Variants in ZDHHC14 observed in about 807,000 individuals in gnomAD.
ZDHHC14 encodes the protein zDHHC palmitoyltransferase 14, also known as palmitoyltransferase ZDHHC14.
A neutral mutation model predicts 47.7 loss-of-function variants in ZDHHC14; 16 were observed. The observed-to-expected ratio is 0.34, with a 90% CI of 0.23 to 0.51. The LOEUF is 0.51. ZDHHC14 is among the 20% of genes least tolerant of loss of function. The pLI is 0.97. For synonymous variants in ZDHHC14, 293 were observed against 278.9 expected, an observed-to-expected ratio of 1.05 and a Z score of -0.50; for missense variants, 515 against 662.5, an observed-to-expected ratio of 0.78 and a Z score of 2.44.
chr6:157,453,705 T>G (rs1050782372), intron 1 of ZDHHC14, among the ~76,000 whole-genome samples: 20 of 152,176 alleles, frequency 1.3e-4, no homozygotes, highest in Non-Finnish European at 2.8e-4. Flanking sequence ...GCATCTTTCC[T>G]TTGAAGACCA....
chr6:157,556,016 A>G (rs1782444271), intron 2 of ZDHHC14, among the ~76,000 whole-genome samples: 1 of 152,142 alleles, frequency 6.6e-6, no homozygotes, highest in Admixed American at 6.5e-5. Context: ...CAGGCCATGA[A>G]TGGCCGGAGG....
At chr6:157,465,499 G>A (rs1001793828) in intron 1 of ZDHHC14, among the ~76,000 whole-genome samples, 12 of 152,130 alleles carry the variant, frequency 7.9e-5, no homozygotes, top group Middle Eastern at 3.4e-3. Context: ...CACACAAAAC[G>A]GGAAATGAAA....
chr6:157,555,169 A>G (rs986951973), intron 2 of ZDHHC14, among the ~76,000 whole-genome samples: 2 of 152,236 alleles, frequency 1.3e-5, no homozygotes, highest in Non-Finnish European at 2.9e-5. Flanking sequence ...CTTCCATTCT[A>G]GAAAAGAAAA....
intron 1 of ZDHHC14, among the ~76,000 whole-genome samples, chr6:157,408,936 C>T (rs1184388765): frequency 6.6e-6 from 1 of 152,174 alleles, no homozygotes; most frequent in Non-Finnish European, 1.5e-5. Flanking sequence ...GATCCTTGTT[C>T]TTGGGGCCTC....
chr6:157,460,480 A>G (rs1384514295), intron 1 of ZDHHC14, among the ~76,000 whole-genome samples: 3 of 150,720 alleles, frequency 2.0e-5, no homozygotes, highest in South Asian at 2.1e-4. Flanking sequence ...CTGCTTCTCC[A>G]AAGAGTGCTG....
chr6:157,574,861 T>C (rs1412139352), intron 2 of ZDHHC14, among the ~76,000 whole-genome samples: 2 of 152,220 alleles, frequency 1.3e-5, no homozygotes, highest in Non-Finnish European at 2.9e-5. Flanking sequence ...GTGATATGAC[T>C]TAATTGCCTA....
At chr6:157,488,266 C>T (rs1779830486) in intron 1 of ZDHHC14, among the ~76,000 whole-genome samples, 1 of 152,216 alleles carries the variant, frequency 6.6e-6, no homozygotes. Flanking sequence ...CTTCTCTACT[C>T]CACTGTGATC....
intron 1 of ZDHHC14, among the ~76,000 whole-genome samples, chr6:157,443,921 A>G (rs999044035): frequency 1.3e-5 from 2 of 152,238 alleles, no homozygotes; most frequent in African/African-American, 4.8e-5. Flanking sequence ...ACACTTCAGA[A>G]CAGAGCCTAG....
At chr6:157,510,443 G>A (rs1780436198) in intron 1 of ZDHHC14, among the ~76,000 whole-genome samples, 1 of 152,166 alleles carries the variant, frequency 6.6e-6, no homozygotes, top group Non-Finnish European at 1.5e-5. Flanking sequence ...CCATGAAGCC[G>A]TCCTGGTGTG....
intron 8 of ZDHHC14, among the ~76,000 whole-genome samples, chr6:157,665,746 C>A (rs1328893522): frequency 6.6e-6 from 1 of 152,134 alleles, no homozygotes. Context: ...TGGGAAAATT[C>A]AGTGTTAGTG....
rs148130551 is a variant in ZDHHC14 at position 157,503,849 on chromosome 6, A to C, written c.246-38736A>C. 5.3e-5 allele frequency among the ~76,000 whole-genome samples: 8 copies of C among 152,336 alleles called. No individual in the cohort carries two copies. In the East Asian group the frequency reaches 1.5e-3, roughly 29 times the overall value. Reference sequence around the variant, plus strand: ...CGTTGGCAATGATGCGTATGAGGAAACAGCACGGCTCATATAAGGCTCGTG... The same window carrying C: ...CGTTGGCAATGATGCGTATGAGGAACCAGCACGGCTCATATAAGGCTCGTG... On this transcript the variant is annotated intron_variant, in intron 1 of 8. Transcript: ENST00000359775.
At chr6:157,558,040 T>C (rs904511786) in intron 2 of ZDHHC14, among the ~76,000 whole-genome samples, 9 of 152,252 alleles carry the variant, frequency 5.9e-5, no homozygotes, top group African/African-American at 2.2e-4. Flanking sequence ...TTCACTTTAA[T>C]AGTATGTTTT....
Position 157,463,278 on chromosome 6 carries a change from GT to G in ZDHHC14, c.246-79302del, listed in dbSNP as rs906993476. Among the ~76,000 whole-genome samples the G allele has an allele frequency of 2.8e-4, 42 of 152,204 alleles. No homozygotes were observed. The highest frequency in any genetic ancestry group is 9.2e-4 in the African/African-American group (38 of 41,500). On this transcript the variant is annotated intron_variant, in intron 1 of 8. Transcript: ENST00000359775. This position sits in a 1 kb window ranked among gnomAD's most constrained non-coding sequence, Gnocchi z 4.4. ...ACATGGCATAGAACAATTGAAATTG[GT>G]TTTTCAATAGAAACAATTGAATAGT...
chr6:157,632,707 C>A, intron 4 of ZDHHC14, 127 bp from the exon 5 acceptor site: 1 of 936,754 alleles, frequency 1.1e-6, no homozygotes, highest in Non-Finnish European at 1.7e-6. Context: ...AACTGGGTGT[C>A]GTAGCACTTA....
intron 3 of ZDHHC14, among the ~76,000 whole-genome samples, chr6:157,596,562 T>G (rs910935153): frequency 6.6e-6 from 1 of 152,176 alleles, no homozygotes; most frequent in African/African-American, 2.4e-5. Context: ...TGGTCAAATA[T>G]AGAGTTAGTT....
At chr6:157,644,749 T>C (rs1777439252) in intron 5 of ZDHHC14, among the ~76,000 whole-genome samples, 1 of 152,220 alleles carries the variant, frequency 6.6e-6, no homozygotes, top group African/African-American at 2.4e-5. Flanking sequence ...CGTTTCTTTC[T>C]CCATCCTGTA....
intron 1 of ZDHHC14, among the ~76,000 whole-genome samples, chr6:157,522,113 A>T (rs1232850203): frequency 6.6e-6 from 1 of 152,170 alleles, no homozygotes; most frequent in African/African-American, 2.4e-5. Flanking sequence ...GACTGAGAAG[A>T]CCTCAGACAA....
At chr6:157,661,234 G>A (rs1039053197) in intron 8 of ZDHHC14, among the ~76,000 whole-genome samples, 1 of 152,200 alleles carries the variant, frequency 6.6e-6, no homozygotes, top group African/African-American at 2.4e-5. Context: ...CTCAGGGAAG[G>A]TTTGCTTCCT....
intron 1 of ZDHHC14, among the ~76,000 whole-genome samples, chr6:157,488,689 A>G (rs1182678992): frequency 6.6e-6 from 1 of 152,134 alleles, no homozygotes; most frequent in African/African-American, 2.4e-5. Flanking sequence ...ATCAGTACTC[A>G]CTACCAGTTT....
Sources: gnomAD v4.1 joint callset for allele counts (sites outside exome capture counted in the v4.1 genomes callset) on GRCh38, gnomAD v4.1.1 for gene constraint, Gnocchi (gnomAD v3.1) non-coding constraint, MANE v1.5 for transcripts, NCBI Gene and HGNC (gene_info 2026-07-23, HGNC 2026-07-21) for gene names.